PARP14: variants seen among roughly 807,000 people sequenced by gnomAD.
PARP14 encodes the protein poly(ADP-ribose) polymerase family member 14.
PARP14 carries 59 observed loss-of-function variants against 154.2 expected under a neutral mutation model. The ratio of observed to expected loss-of-function variants is 0.38; its 90% CI spans 0.31 to 0.48. The LOEUF is 0.48. Among genes scored for constraint, PARP14 ranks in the 20% least tolerant of loss-of-function variants. The pLI is 0.98. For missense variants in PARP14, 1,734 were observed against 2,131.6 expected (o/e 0.81, Z 3.67); for synonymous variants, 720 against 780.5 (o/e 0.92, Z 1.29).
At chr3:122,722,929 T>C (rs1933194695) in intron 15 of PARP14, among the ~76,000 whole-genome samples, 1 of 145,126 alleles carries the variant, frequency 6.9e-6, no homozygotes, top group African/African-American at 2.6e-5. Flanking sequence ...CCAATATGCA[T>C]TTCATATTTT....
rs1938897441 is a variant in PARP14, at chr3:122,699,888, T to C, written c.1334T>C (p.Ile445Thr). Residue 445 changes from isoleucine (I) to threonine (T), a missense_variant, in exon 6 of 17, where the codon ATT becomes ACT. Coordinates refer to ENST00000474629, the MANE Select transcript of PARP14 (RefSeq NM_017554.3). Reference sequence around the variant, plus strand: ...GGGAAATCAGAGGATGTCCAAAGCATTGAGGTACAAGTCAGGGAGTTAATA... The same window carrying C: ...GGGAAATCAGAGGATGTCCAAAGCACTGAGGTACAAGTCAGGGAGTTAATA... ...LAGKSEDVQS[I>T]EVQVRELIES... 1 of 1,613,978 alleles carries C rather than the reference T, an allele frequency of 6.2e-7. No individual in the cohort carries two copies. The highest frequency in any genetic ancestry group is 1.3e-5 in the African/African-American group (1 of 75,042).
chr3:122,720,573 G>T, intron 15 of PARP14, 185 bp downstream of exon 15: 2 of 644,720 alleles, frequency 3.1e-6, no homozygotes, highest in Non-Finnish European at 2.8e-6. Flanking sequence ...TAAGATTCTT[G>T]TGTCAGTGAT....
chr3:122,705,599 G>A (rs1939129398), intron 8 of PARP14, among the ~76,000 whole-genome samples: 1 of 152,152 alleles, frequency 6.6e-6, no homozygotes, highest in Non-Finnish European at 1.5e-5. Context: ...CATTATCCCT[G>A]CACTCCGAGT....
chr3:122,725,739 C>T (rs1311538278), intron 15 of PARP14, among the ~76,000 whole-genome samples: 1 of 152,256 alleles, frequency 6.6e-6, no homozygotes, highest in Non-Finnish European at 1.5e-5. Context: ...TCCAGCCTGA[C>T]AATCTTTTAT....
In PARP14 at chr3:122,681,480, C is replaced by A. The variant is rs1938204217; in HGVS notation, c.187+410C>A. 6.6e-6 allele frequency among the ~76,000 whole-genome samples: 1 copy of A among 152,244 alleles called. No individual in the cohort carries two copies. The highest frequency in any genetic ancestry group is 2.1e-4 in the South Asian group (1 of 4,826). Reference sequence around the variant, plus strand: ...GTGGGGAAGGAAACTGATTAAGAAACGTGGCAAGTCACAGAGATTCCTTGT... The same window carrying A: ...GTGGGGAAGGAAACTGATTAAGAAAAGTGGCAAGTCACAGAGATTCCTTGT... On this transcript the variant is annotated intron_variant, in intron 1 of 16. Coordinates refer to ENST00000474629, the MANE Select transcript of PARP14 (RefSeq NM_017554.3). This position sits in a 1 kb window ranked among gnomAD's most constrained non-coding sequence, Gnocchi z 5.5.
At chr3:122,713,998 G>C in intron 11 of PARP14, 64 bp downstream of exon 11, 2 of 1,241,200 alleles carry the variant, frequency 1.6e-6, no homozygotes, top group Non-Finnish European at 2.4e-6. Context: ...GAGAGGCTGA[G>C]AAAAGTCTTA....
In PARP14 at chr3:122,701,528, C is replaced by T. The variant is rs1299204200; in HGVS notation, c.2974C>T (p.Pro992Ser). ...AGATACAGCTGCCCCGCCAGGTTTACCACCAGCAGCAGCGGGGCCTGGGAA... is the reference window on the plus strand; with the variant it reads ...AGATACAGCTGCCCCGCCAGGTTTATCACCAGCAGCAGCGGGGCCTGGGAA... ...LPDTAAPPGLPPAAAGPGKTS... is the reference protein window; with the variant it reads ...LPDTAAPPGLSPAAAGPGKTS... The change falls in exon 6 of 17, where the codon CCA (proline) becomes TCA (serine). Residue 992 changes from proline to serine, a missense_variant. By Grantham distance (74) the Pro-to-Ser change is moderately conservative (BLOSUM62 -1). Transcript: ENST00000474629. This position sits in a 1 kb window ranked among gnomAD's most constrained non-coding sequence, Gnocchi z 4.0. 1.2e-6 allele frequency: 2 copies of T among 1,612,758 alleles called. No homozygotes were observed. Among genetic ancestry groups the T allele is most frequent in the African/African-American group, 2.7e-5 (2 of 74,908 alleles).
chr3:122,683,891 A>T (rs933015505), intron 1 of PARP14, among the ~76,000 whole-genome samples: 1 of 152,228 alleles, frequency 6.6e-6, no homozygotes, highest in African/African-American at 2.4e-5. Flanking sequence ...AACTTGACTT[A>T]CAAAATTTAG....
At chr3:122,727,369 T>C (rs1933312844) in intron 15 of PARP14, among the ~76,000 whole-genome samples, 1 of 152,232 alleles carries the variant, frequency 6.6e-6, no homozygotes, top group Non-Finnish European at 1.5e-5. Context: ...TTAATTTCAT[T>C]CTTGCCTAGA....
At chr3:122,695,886 C>G (rs1208050561) in intron 5 of PARP14, among the ~76,000 whole-genome samples, 3 of 152,124 alleles carry the variant, frequency 2.0e-5, no homozygotes, top group African/African-American at 4.8e-5. Flanking sequence ...GAGGTTTTTT[C>G]ATGAGTCTCT....
chr3:122,719,807 G>A (rs1933111805), intron 14 of PARP14, among the ~76,000 whole-genome samples: 1 of 152,192 alleles, frequency 6.6e-6, no homozygotes, highest in Non-Finnish European at 1.5e-5. Flanking sequence ...AAAAATAGAT[G>A]TAGAGTGCCT....
chr3:122,726,717 G>GAAAC (rs1933296386), intron 15 of PARP14, among the ~76,000 whole-genome samples: 1 of 151,842 alleles, frequency 6.6e-6, no homozygotes, highest in African/African-American at 2.4e-5. Context: ...TAAAAGGTAA[G>GAAAC]AAACAACCTT....
chr3:122,722,584 A>G (rs1933188330), intron 15 of PARP14: 1 of 152,172 alleles, frequency 6.6e-6, no homozygotes, highest in African/African-American at 2.4e-5. Context: ...CAGTGTATGA[A>G]CCAGATAAAA....
At chr3:122,715,412 C>A (rs2107652002) in intron 12 of PARP14, among the ~76,000 whole-genome samples, 1 of 152,312 alleles carries the variant, frequency 6.6e-6, no homozygotes, top group Admixed American at 6.5e-5. Context: ...TCTTCTAACC[C>A]TCTGACCCAT....
intron 12 of PARP14, among the ~76,000 whole-genome samples, chr3:122,715,651 T>TATCTATCG (rs1560078168): frequency 3.5e-5 from 5 of 141,768 alleles, no homozygotes; most frequent in East Asian, 2.1e-4. Context: ...TCTATCTATC[T>TATCTATCG]ATCGATCTGT....
chr3:122,707,759 C>G (rs1489772109), intron 8 of PARP14, among the ~76,000 whole-genome samples: 2 of 152,054 alleles, frequency 1.3e-5, no homozygotes, highest in African/African-American at 4.8e-5. Context: ...GATCACGCCT[C>G]TAGCATTCCA....
At chr3:122,703,015 A>C (rs1560065719) in intron 6 of PARP14, among the ~76,000 whole-genome samples, 1 of 98,954 alleles carries the variant, frequency 1.0e-5, no homozygotes, top group Admixed American at 1.1e-4. Context: ...AAAAAACAAA[A>C]AAAAAAAACA....
intron 15 of PARP14, among the ~76,000 whole-genome samples, chr3:122,725,278 C>T (rs896529628): frequency 3.4e-5 from 5 of 148,922 alleles, no homozygotes; most frequent in African/African-American, 7.4e-5. Flanking sequence ...GGCAGAGGCA[C>T]TCCTCACCTC....
At position 122,699,267 on chromosome 3, in the gene PARP14, TCTTTC is replaced by T. The variant is rs1325910183; in HGVS notation, c.836-118_836-114del. 5.4e-5 allele frequency: 31 copies of T among 570,568 alleles called. No homozygotes were observed. The East Asian group carries it at 7.1e-4, about 13-fold the overall frequency. The allele number at this position is 570,568 out of a possible 1,614,324, so 35.3% of individuals were successfully genotyped here. ...CATCTTGGTCTTACATTGTTTTATT[TCTTTC>T]CTTTAAGTGTTAGAAAAACATTAGA... is the stretch of plus-strand genomic sequence containing the variant. On this transcript the variant is annotated intron_variant, in intron 5 of 16. Coordinates refer to ENST00000474629, the MANE Select transcript of PARP14 (RefSeq NM_017554.3).
Sources: gnomAD v4.1 joint callset for allele counts (sites outside exome capture counted in the v4.1 genomes callset) on GRCh38, gnomAD v4.1.1 for gene constraint, Gnocchi (gnomAD v3.1) non-coding constraint, MANE v1.5 for transcripts, NCBI Gene and HGNC (gene_info 2026-07-23, HGNC 2026-07-21) for gene names.